TOGARAM1: variants seen among roughly 807,000 people sequenced by gnomAD.
TOGARAM1 encodes TOG array regulator of axonemal microtubules protein 1.
A neutral mutation model predicts 166.6 loss-of-function variants in TOGARAM1; 100 were observed. That is an observed-to-expected ratio of 0.60 (90% confidence interval 0.51 to 0.71). The LOEUF is 0.71. TOGARAM1 is among the 30% of genes least tolerant of loss of function. The pLI is 0.00. For synonymous variants in TOGARAM1, 758 were observed against 763.8 expected (o/e 0.99, Z 0.13); for missense variants, 2,029 against 2,102.7 (o/e 0.96, Z 0.69).
intron 3 of TOGARAM1, among the ~76,000 whole-genome samples, chr14:45,002,901 C>G (rs1165398442): frequency 1.3e-5 from 2 of 152,088 alleles, no homozygotes; most frequent in East Asian, 3.9e-4. Context: ...ATGGTGTGAA[C>G]CCGGGAGGCA....
chr14:44,981,266 CTG>C (rs1886516365), intron 1 of TOGARAM1, among the ~76,000 whole-genome samples: 1 of 152,158 alleles, frequency 6.6e-6, no homozygotes, highest in Non-Finnish European at 1.5e-5. Flanking sequence ...ATTGCTAAAA[CTG>C]TGAGAATGGA....
At chr14:44,976,009 G>A (rs1309590154) in intron 1 of TOGARAM1, among the ~76,000 whole-genome samples, 3 of 152,066 alleles carry the variant, frequency 2.0e-5, no homozygotes, top group Admixed American at 6.5e-5. Flanking sequence ...AAAATTATGA[G>A]ATATGGTAAA....
chr14:45,027,668 C>T (rs1880932008), intron 9 of TOGARAM1, among the ~76,000 whole-genome samples, 194 bp downstream of exon 9: 1 of 151,918 alleles, frequency 6.6e-6, no homozygotes, highest in African/African-American at 2.4e-5. Flanking sequence ...AGGAAAAATA[C>T]AAAAATTAGC....
chr14:45,012,591 T>C (rs547759157), intron 7 of TOGARAM1, among the ~76,000 whole-genome samples: 12 of 152,296 alleles, frequency 7.9e-5, no homozygotes, highest in African/African-American at 2.9e-4. Flanking sequence ...TAGTAGTCAA[T>C]TAGAAAAAGA....
At chr14:45,019,018 C>T (rs757873724) in intron 7 of TOGARAM1, among the ~76,000 whole-genome samples, 58 of 152,184 alleles carry the variant, frequency 3.8e-4, no homozygotes, top group Non-Finnish European at 5.9e-4. Flanking sequence ...AAATCTGAAC[C>T]AGGTATTTAC....
chr14:44,972,909 T>C (rs1347425308), intron 1 of TOGARAM1, among the ~76,000 whole-genome samples: 1 of 152,134 alleles, frequency 6.6e-6, no homozygotes, highest in African/African-American at 2.4e-5. Context: ...TTTGCTATAA[T>C]GTTGATGAGG....
chr14:44,990,953 CTT>C (rs1171702041), intron 1 of TOGARAM1, among the ~76,000 whole-genome samples: 7 of 74,200 alleles, frequency 9.4e-5, no homozygotes, highest in Admixed American at 1.6e-4. Context: ...CCAGCTGAGG[CTT>C]TTTTTTTTTT....
chr14:45,019,330 C>T (rs1479809715), intron 7 of TOGARAM1, among the ~76,000 whole-genome samples: 11 of 152,132 alleles, frequency 7.2e-5, no homozygotes, highest in Non-Finnish European at 1.2e-4. Context: ...CTCTTATTTT[C>T]ATTCCTCTTA....
At chr14:44,978,977 T>C (rs574110751) in intron 1 of TOGARAM1, among the ~76,000 whole-genome samples, 8 of 151,542 alleles carry the variant, frequency 5.3e-5, no homozygotes, top group African/African-American at 1.7e-4. Context: ...CTCTCTCTTT[T>C]TTTTTTTAAT....
chr14:44,992,980 A>G (rs1424325342), intron 1 of TOGARAM1, among the ~76,000 whole-genome samples: 2 of 151,454 alleles, frequency 1.3e-5, no homozygotes, highest in Non-Finnish European at 2.9e-5. Flanking sequence ...AAGAGATAAT[A>G]GGCTGTGTGT....
chr14:44,989,547 C>T (rs537344874), intron 1 of TOGARAM1, among the ~76,000 whole-genome samples: 1 of 146,674 alleles, frequency 6.8e-6, no homozygotes, highest in Admixed American at 6.7e-5. Context: ...TATATCAGTA[C>T]ATTAAAAAAA....
chr14:45,027,831 G>A (rs571433911), intron 9 of TOGARAM1, among the ~76,000 whole-genome samples: 10 of 150,016 alleles, frequency 6.7e-5, no homozygotes, highest in African/African-American at 2.0e-4. Flanking sequence ...CCGTGATTAC[G>A]CCACTGTACT....
At position 44,963,830 on chromosome 14, in the gene TOGARAM1, A is replaced by C; in HGVS notation, c.1409A>C (p.Gln470Pro). 1 of 1,614,188 alleles carries C rather than the reference A, an allele frequency of 6.2e-7. No individual in the cohort carries two copies. Among genetic ancestry groups the C allele is most frequent in the East Asian group, 2.2e-5 (1 of 44,882 alleles). Reference sequence around the variant, plus strand: ...CTAATGAAGGAAGTAGGACCTCAGCAGGTGCTTTGTTTACTCCTGGAACAT... The same window carrying C: ...CTAATGAAGGAAGTAGGACCTCAGCCGGTGCTTTGTTTACTCCTGGAACAT... ...LKLMKEVGPQQVLCLLLEHLK... is the reference protein window; with the variant it reads ...LKLMKEVGPQPVLCLLLEHLK... Residue 470 changes from glutamine (Q) to proline (P), a missense_variant, in exon 1 of 20, where the codon CAG becomes CCG. Around this residue, in one of 2 missense-constraint regions of TOGARAM1, gnomAD observed 1,453 missense variants for 1,432.2 expected, o/e 1.01. Coordinates refer to ENST00000361462, the MANE Select transcript of TOGARAM1 (RefSeq NM_001308120.2).
chr14:44,983,059 C>A (rs753281234), intron 1 of TOGARAM1, among the ~76,000 whole-genome samples: 1 of 152,106 alleles, frequency 6.6e-6, no homozygotes, highest in Non-Finnish European at 1.5e-5. Flanking sequence ...GTAAGGAACA[C>A]CTGATTTGGA....
At chr14:44,972,362 A>C (rs987409686) in intron 1 of TOGARAM1, among the ~76,000 whole-genome samples, 1 of 152,106 alleles carries the variant, frequency 6.6e-6, no homozygotes, top group African/African-American at 2.4e-5. Flanking sequence ...TGGATAAAGT[A>C]ATCTATAGAT....
In TOGARAM1 at chr14:45,043,689, G is replaced by A. The variant is rs1347181152; in HGVS notation, c.3816G>A (p.Glu1272=). 2 of 1,571,418 alleles carry A rather than the reference G, an allele frequency of 1.3e-6. No homozygotes were observed. Among genetic ancestry groups the A allele is most frequent in the African/African-American group, 1.4e-5 (1 of 74,038 alleles). Residue 1272 remains glutamate (E), a synonymous_variant, in exon 12 of 20, where the codon GAG becomes GAA. Coordinates refer to ENST00000361462, the MANE Select transcript of TOGARAM1 (RefSeq NM_001308120.2). ...ALRLLADEDW[E]KKIEGLNFIR... is the part of the protein sequence containing the mutation. ...TTGTCATTTCTTTTTCTCATAGGGAGAAGAAAATTGAGGGACTGAATTTTA... is the reference window on the plus strand; with the variant it reads ...TTGTCATTTCTTTTTCTCATAGGGAAAAGAAAATTGAGGGACTGAATTTTA...
chr14:45,009,264 T>C (rs1879651125), intron 6 of TOGARAM1, 119 bp downstream of exon 6: 1 of 778,952 alleles, frequency 1.3e-6, no homozygotes, highest in Admixed American at 3.0e-5. Flanking sequence ...AATGTTAAAA[T>C]ATATTTAAAA....
chr14:44,979,031 TA>T (rs201855402), intron 1 of TOGARAM1, among the ~76,000 whole-genome samples: 45 of 138,134 alleles, frequency 3.3e-4, no homozygotes, highest in African/African-American at 4.6e-4. Context: ...AAATAACAGA[TA>T]AAAAAAAAAG....
intron 5 of TOGARAM1, 151 bp downstream of exon 5, chr14:45,006,418 T>A: frequency 1.7e-6 from 1 of 577,858 alleles, no homozygotes; most frequent in Non-Finnish European, 2.9e-6. Flanking sequence ...TACCATGAAT[T>A]AGTAGGAAGG....
Sources: allele counts gnomAD v4.1 joint callset (sites outside exome capture counted in the v4.1 genomes callset), GRCh38; gene constraint gnomAD v4.1.1; regional missense constraint gnomAD v4.1.1; transcripts MANE v1.5; gene names NCBI Gene and HGNC (gene_info 2026-07-23, HGNC 2026-07-21).